RYR2: variants seen among roughly 807,000 people sequenced by gnomAD.
RYR2 encodes ryanodine receptor 2.
Under a neutral mutation model 601.1 loss-of-function variants are expected in RYR2, and 227 were observed. The observed-to-expected ratio is 0.38, with a 90% CI of 0.34 to 0.42. The LOEUF is 0.42. Among genes scored for constraint, RYR2 ranks in the 10% least tolerant of loss-of-function variants. The pLI is 1.00. For synonymous variants in RYR2, 2,223 were observed against 2,175.1 expected (o/e 1.02, Z -0.61); for missense variants, 4,646 against 6,156.5 (o/e 0.75, Z 8.21).
chr1:237,290,272 C>T (rs1034048004), intron 2 of RYR2, among the ~76,000 whole-genome samples: 6 of 152,050 alleles, frequency 3.9e-5, no homozygotes, highest in African/African-American at 1.4e-4. Context: ...AGACTGTATA[C>T]CAAATGATTC....
rs1660007302 is a variant in RYR2, at chr1:237,042,352, C to G, written c.-170C>G. On this transcript the variant is annotated 5_prime_UTR_variant, in exon 1 of 105. Coordinates refer to ENST00000366574, the MANE Select transcript of RYR2 (RefSeq NM_001035.3). Reference sequence around the variant, plus strand: ...ACCACCCGCGCCCGAGCGTCCGCGCCTCCTCCTCCGCTCTGCAGGCGGGGA... The same window carrying G: ...ACCACCCGCGCCCGAGCGTCCGCGCGTCCTCCTCCGCTCTGCAGGCGGGGA... 4.0e-6 allele frequency: 2 copies of G among 501,554 alleles called. No homozygotes were observed. The highest frequency in any genetic ancestry group is 5.1e-5 in the Admixed American group (1 of 19,550). 31.1% of individuals were successfully genotyped at this position (501,554 alleles called of 1,614,324 possible). A position where few individuals can be genotyped will look rare whatever the true frequency, so the allele number is the denominator to read the frequency against.
In RYR2 at chr1:237,590,722, C is replaced by A. The variant is rs746350036; in HGVS notation, c.3890C>A (p.Thr1297Asn). The A allele has an allele frequency of 1.9e-6, 3 of 1,611,192 alleles. No individual in the cohort carries two copies. Among genetic ancestry groups the A allele is most frequent in the Non-Finnish European group, 1.7e-6 (2 of 1,177,986 alleles). ...QKSFGSQNSN[T>N]DIMFYRLSMP... ...TCTTTTGGTTCTCAGAACAGCAACA[C>A]TGATATCATGTTTTATCGCCTGAGC... The change falls in exon 31 of 105, where the codon ACT becomes AAT. Residue 1297 changes from threonine to asparagine, a missense_variant. By Grantham distance (65) the Thr-to-Asn change is moderately conservative. Transcript: ENST00000366574.
At chr1:237,042,657 CG>C in intron 1 of RYR2, 88 bp downstream of exon 1, 2 of 1,193,776 alleles carry the variant, frequency 1.7e-6, no homozygotes, top group South Asian at 4.3e-5. Context: ...CAGCGGGCAG[CG>C]GGGACTCGCG....
intron 15 of RYR2, 63 bp downstream of exon 15, chr1:237,454,637 G>C: frequency 6.5e-7 from 1 of 1,538,548 alleles, no homozygotes; most frequent in Non-Finnish European, 8.9e-7. Flanking sequence ...CTTCTTGGTT[G>C]GGAAAATTTT....
In RYR2 at chr1:237,477,973, G is replaced by A. The variant is rs1481903934; in HGVS notation, c.1708+8786G>A. Among the ~76,000 whole-genome samples the A allele has an allele frequency of 3.3e-5, 5 of 152,158 alleles. No homozygotes were observed. In the South Asian group the frequency reaches 8.3e-4, roughly 25 times the overall value. ...GTGAAAGTAGTCTTGATGGATATTAGCCGAGGTGCTTTGGCACCCATGAAA... is the reference window on the plus strand; with the variant it reads ...GTGAAAGTAGTCTTGATGGATATTAACCGAGGTGCTTTGGCACCCATGAAA... On this transcript the variant is annotated intron_variant, in intron 17 of 104. Transcript: ENST00000366574.
rs781510195 is a variant in RYR2, at chr1:237,252,055, G to A, written c.49-18442G>A. Reference sequence around the variant, plus strand: ...CCACCATCGTCTTTTGCTTGGCTACGGTAACAACCTCTCATGCCCCTAGCA... The same window carrying A: ...CCACCATCGTCTTTTGCTTGGCTACAGTAACAACCTCTCATGCCCCTAGCA... On this transcript the variant is annotated intron_variant, in intron 1 of 104. Transcript: ENST00000366574. Among the ~76,000 whole-genome samples, 8 of 151,760 alleles carry A rather than the reference G, an allele frequency of 5.3e-5. No homozygotes were observed. In the East Asian group the frequency reaches 5.8e-4, roughly 11 times the overall value.
chr1:237,512,026 T>A (rs190305835), intron 24 of RYR2, among the ~76,000 whole-genome samples: 5 of 152,266 alleles, frequency 3.3e-5, no homozygotes, highest in Non-Finnish European at 5.9e-5. Context: ...AAGGGTGTCC[T>A]ACAGGTGTAT....
chr1:237,455,530 C>T (rs994193603), intron 15 of RYR2, among the ~76,000 whole-genome samples: 5 of 151,950 alleles, frequency 3.3e-5, no homozygotes, highest in African/African-American at 9.7e-5. Flanking sequence ...ACGCAATATA[C>T]CCACATAACA....
chr1:237,570,188 A>AGCC (rs1264534257), intron 29 of RYR2, among the ~76,000 whole-genome samples: 1 of 147,196 alleles, frequency 6.8e-6, no homozygotes, highest in Non-Finnish European at 1.5e-5. Flanking sequence ...ATGGCACTCC[A>AGCC]GCCTGGGCAA....
Position 237,833,363 on chromosome 1 carries a change from C to G in RYR2, c.*716C>G, listed in dbSNP as rs866714878. On this transcript the variant is annotated 3_prime_UTR_variant, in exon 105 of 105. Transcript: ENST00000366574. ...TAAATTCACATTTGCCCCCCCCCCC[C>G]GCCCCCGCCCCCATATGCTCCTGCT... is the stretch of plus-strand genomic sequence containing the variant. 6 of 135,948 alleles carry G rather than the reference C, an allele frequency of 4.4e-5. No individual in the cohort carries two copies. The Admixed American group carries it at 4.7e-4, about 11-fold the overall frequency. 8.4% of individuals were successfully genotyped at this position (135,948 alleles called of 1,614,324 possible).
intron 1 of RYR2, among the ~76,000 whole-genome samples, chr1:237,081,671 A>G (rs1028630102): frequency 1.3e-5 from 2 of 151,878 alleles, no homozygotes; most frequent in East Asian, 1.9e-4. Flanking sequence ...TTCCATCCCA[A>G]TGACCCATCC....
At chr1:237,372,218 T>A (rs190006554) in intron 6 of RYR2, among the ~76,000 whole-genome samples, 2 of 152,320 alleles carry the variant, frequency 1.3e-5, no homozygotes, top group East Asian at 3.9e-4. Flanking sequence ...TTAATGATGA[T>A]TTAATAATAT....
intron 10 of RYR2, among the ~76,000 whole-genome samples, chr1:237,403,658 T>A (rs1703592766): frequency 6.6e-6 from 1 of 152,166 alleles, no homozygotes; most frequent in African/African-American, 2.4e-5. Flanking sequence ...ATTTCTGATC[T>A]TAACCAGTCC....
At chr1:237,805,095 C>A (rs1488245158) in intron 98 of RYR2, among the ~76,000 whole-genome samples, 2 of 152,076 alleles carry the variant, frequency 1.3e-5, no homozygotes, top group South Asian at 4.2e-4. Context: ...ATATGAATAG[C>A]GCTGGGTTGA....
intron 2 of RYR2, among the ~76,000 whole-genome samples, chr1:237,315,323 G>GT (rs967170693): frequency 1.1e-4 from 16 of 151,556 alleles, no homozygotes; most frequent in Admixed American, 4.6e-4. Context: ...AAGATACTAT[G>GT]TTTTTTTTCA....
intron 1 of RYR2, among the ~76,000 whole-genome samples, chr1:237,208,030 AC>A (rs1370040735): frequency 2.0e-5 from 3 of 152,084 alleles, no homozygotes; most frequent in Non-Finnish European, 4.4e-5. Flanking sequence ...CACCCACTGT[AC>A]CTCCCAGGAT....
chr1:237,569,147 C>T lies in RYR2; in HGVS notation c.3426C>T (p.Ala1142=), dbSNP rs775494214. ...GGACTTTTCTGTCCTCTGTATAGGCCCAGCGGTGGCATCAGGGCAATGAAC... is the reference window on the plus strand; with the variant it reads ...GGACTTTTCTGTCCTCTGTATAGGCTCAGCGGTGGCATCAGGGCAATGAAC... ...ERAFAFDGFK[A]QRWHQGNEHY... is the part of the protein sequence containing the mutation. The change falls in exon 29 of 105, where the codon GCC becomes GCT. Residue 1142 remains alanine, a splice_region_variant and synonymous_variant. Transcript: ENST00000366574. 2 of 1,612,894 alleles carry T rather than the reference C, an allele frequency of 1.2e-6. No individual in the cohort carries two copies. Among genetic ancestry groups the T allele is most frequent in the East Asian group, 2.2e-5 (1 of 44,832 alleles).
chr1:237,731,831 A>T (rs1203280162), intron 77 of RYR2, among the ~76,000 whole-genome samples: 1 of 151,994 alleles, frequency 6.6e-6, no homozygotes, highest in Non-Finnish European at 1.5e-5. Context: ...ATATACATAC[A>T]AGCTTTTATA....
intron 35 of RYR2, among the ~76,000 whole-genome samples, chr1:237,602,346 A>G (rs1676597684): frequency 6.6e-6 from 1 of 152,080 alleles, no homozygotes; most frequent in South Asian, 2.1e-4. Context: ...GCCTATAGAA[A>G]AAAAAATGCC....
Sources: gnomAD v4.1 joint callset for allele counts (sites outside exome capture counted in the v4.1 genomes callset) on GRCh38, gnomAD v4.1.1 for gene constraint, MANE v1.5 for transcripts, NCBI Gene and HGNC (gene_info 2026-07-23, HGNC 2026-07-21) for gene names.